The following AMER2 variants were observed in gnomAD, a reference collection of about 807,000 sequenced individuals.
AMER2 encodes APC membrane recruitment protein 2.
Under a neutral mutation model 4.7 loss-of-function variants are expected in AMER2, and 1 was observed. The ratio of observed to expected loss-of-function variants is 0.21; its 90% CI spans 0.07 to 1.00. The LOEUF is 1.00. Ranked by LOEUF, AMER2 falls within the 50% of genes least tolerant of loss-of-function variation. The pLI is 0.60. For missense variants in AMER2, 988 were observed against 966.9 expected (o/e 1.02, Z -0.29); for synonymous variants, 485 against 433.3 (o/e 1.12, Z -1.48).
In AMER2 at chr13:25,171,266, G is replaced by A; in HGVS notation, c.354C>T (p.Gly118=). ...GLAEVLVLES[G]RKEEPRGGGD... ...CCCCGCCGCGCGGCTCCTCCTTCCT[G>A]CCGCTCTCCAGCACCAGCACCTCGG... Residue 118 remains glycine, a synonymous_variant, in exon 1 of 1, where the codon GGC becomes GGT. Transcript: ENST00000515384. The surrounding 1 kb of genome is among the most constrained non-coding windows in gnomAD (Gnocchi z 5.9). 6.7e-7 allele frequency: 1 copy of A among 1,496,100 alleles called. No homozygotes were observed. Among genetic ancestry groups the A allele is most frequent in the Admixed American group, 2.3e-5 (1 of 43,858 alleles). The allele number at this position is 1,496,100 out of a possible 1,614,324, so 92.7% of individuals were successfully genotyped here.
rs950808097 is a variant in AMER2, at chr13:25,168,523, T to A, written c.*1081A>T. The A allele has an allele frequency of 2.0e-5, 3 of 148,344 alleles. No individual in the cohort carries two copies. The highest frequency in any genetic ancestry group is 2.0e-4 in the Admixed American group (3 of 14,876). The allele number at this position is 148,344 out of a possible 1,614,324, so 9.2% of individuals were successfully genotyped here. On this transcript the variant is annotated 3_prime_UTR_variant, in exon 1 of 1. Coordinates refer to ENST00000515384, the MANE Select transcript of AMER2 (RefSeq NM_152704.4). ...CCTCTGGGACACCAGCACAATAGAT[T>A]TTTTTTTTTTTTGAGAACCAGAGAA...
rs866441736 is a variant in AMER2, at chr13:25,164,783, A to G, written c.*4821T>C. The G allele has an allele frequency of 6.6e-6, 1 of 152,206 alleles. No individual in the cohort carries two copies. Among genetic ancestry groups the G allele is most frequent in the South Asian group, 2.1e-4 (1 of 4,828 alleles). The allele number at this position is 152,206 out of a possible 1,614,324, so 9.4% of individuals were successfully genotyped here. A position where few individuals can be genotyped will look rare whatever the true frequency, so the allele number is the denominator to read the frequency against. On this transcript the variant is annotated 3_prime_UTR_variant, in exon 1 of 1. Coordinates refer to ENST00000515384, the MANE Select transcript of AMER2 (RefSeq NM_152704.4). ...CATTGTTACATTTACTATTTTTTAG[A>G]GGCATTTGTGTGGCTTAATTCATAG...
In AMER2 at chr13:25,163,604, G is replaced by C; in HGVS notation, c.*6000C>G. ...CCAGTCACAGAAGGACAAATACTGC[G>C]CGTTTCCACTTCTATAAGGGATCTA... On this transcript the variant is annotated 3_prime_UTR_variant, in exon 1 of 1. Transcript: ENST00000515384. 1 of 151,474 alleles carries C rather than the reference G, an allele frequency of 6.6e-6. No homozygotes were observed. Among genetic ancestry groups the C allele is most frequent in the South Asian group, 2.1e-4 (1 of 4,778 alleles). The allele number at this position is 151,474 out of a possible 1,614,324, so 9.4% of individuals were successfully genotyped here.
rs1335227550 is a variant in AMER2, at chr13:25,170,333, G to T, written c.1287C>A (p.Asp429Glu). 7 of 1,613,852 alleles carry T rather than the reference G, an allele frequency of 4.3e-6. No homozygotes were observed. The highest frequency in any genetic ancestry group is 5.9e-6 in the Non-Finnish European group (7 of 1,180,024). ...CCTGTAGATAGGTGTCGTCCACCTC[G>T]TCCGGGCTGGCCATCTCTTCCCCGC... ...QGGGEEMASP[D>E]EVDDTYLQEF... Residue 429 changes from aspartate (D) to glutamate (E), a missense_variant, in exon 1 of 1, where the codon GAC becomes GAA. By Grantham distance (45) the Asp-to-Glu change is conservative (BLOSUM62 2). Transcript: ENST00000515384. The surrounding 1 kb of genome is among the most constrained non-coding windows in gnomAD (Gnocchi z 7.3).
chr13:25,172,193 T>TTA lies in AMER2; in HGVS notation c.-575_-574insTA. 1 of 152,520 alleles carries TTA rather than the reference T, an allele frequency of 6.6e-6. No individual in the cohort carries two copies. Among genetic ancestry groups the TTA allele is most frequent in the Non-Finnish European group, 1.5e-5 (1 of 68,216 alleles). The allele number at this position is 152,520 out of a possible 1,614,324, so 9.4% of individuals were successfully genotyped here. Reference sequence around the variant, plus strand: ...CATGCTGTGTGGCTGTCATTGTGGTTATGGTTCTTGTGACAAAAGTACACG... The same window carrying TTA: ...CATGCTGTGTGGCTGTCATTGTGGTTTAATGGTTCTTGTGACAAAAGTACACG... On this transcript the variant is annotated 5_prime_UTR_variant, in exon 1 of 1. Coordinates refer to ENST00000515384, the MANE Select transcript of AMER2 (RefSeq NM_152704.4).
Position 25,170,555 on chromosome 13 carries a change from T to G in AMER2, c.1065A>C (p.Ser355=), listed in dbSNP as rs765512835. Residue 355 remains serine (S), a synonymous_variant, in exon 1 of 1, where the codon TCA becomes TCC. Coordinates refer to ENST00000515384, the MANE Select transcript of AMER2 (RefSeq NM_152704.4). This position sits in a 1 kb window ranked among gnomAD's most constrained non-coding sequence, Gnocchi z 7.3. ...AACAAATACGATCTGCCGACGGGTC[T>G]GAGGGTGGATCGACAGAGGCAGGGT... ...APDPASVDPP[S]DPSADRICLM... is the part of the protein sequence containing the mutation. 50 of 1,612,982 alleles carry G rather than the reference T, an allele frequency of 3.1e-5. No individual in the cohort carries two copies. The highest frequency in any genetic ancestry group is 4.2e-5 in the Non-Finnish European group (49 of 1,179,508).
In AMER2 at chr13:25,171,171, C is replaced by G; in HGVS notation, c.449G>C (p.Gly150Ala). ...GGCCACCGAGCTGCTGGCGAGGGAG[C>G]CCCCGCCGGGCCCTGCGGCTCTGGG... Reference protein sequence around the residue: ...GPPRAAGPGGGSLASSSVAKS... With the variant: ...GPPRAAGPGGASLASSSVAKS... The change falls in exon 1 of 1, where the codon GGC becomes GCC. Residue 150 changes from glycine to alanine, a missense_variant. Coordinates refer to ENST00000515384, the MANE Select transcript of AMER2 (RefSeq NM_152704.4). This position sits in a 1 kb window ranked among gnomAD's most constrained non-coding sequence, Gnocchi z 5.9. The G allele has an allele frequency of 2.0e-6, 3 of 1,530,054 alleles. No individual in the cohort carries two copies. Among genetic ancestry groups the G allele is most frequent in the Non-Finnish European group, 2.6e-6 (3 of 1,139,022 alleles). 94.8% of individuals were successfully genotyped at this position (1,530,054 alleles called of 1,614,324 possible). A position where few individuals can be genotyped will look rare whatever the true frequency, so the allele number is the denominator to read the frequency against.
chr13:25,170,842 C>T lies in AMER2; in HGVS notation c.778G>A (p.Ala260Thr). Residue 260 changes from alanine to threonine, a missense_variant, in exon 1 of 1, where the codon GCA becomes ACA. Physicochemically the swap from Ala to Thr is moderately conservative, Grantham distance 58 (BLOSUM62 0). Coordinates refer to ENST00000515384, the MANE Select transcript of AMER2 (RefSeq NM_152704.4). This position sits in a 1 kb window ranked among gnomAD's most constrained non-coding sequence, Gnocchi z 7.3. ...TCCTCTCCCCCTGCGGGCTCACCTG[C>T]TGGGTCTCGCGGGGCGTCCTGGCTG... Reference protein sequence around the residue: ...EPSQDAPRDPAGEPAGGEEVP... With the variant: ...EPSQDAPRDPTGEPAGGEEVP... 1 of 1,443,118 alleles carries T rather than the reference C, an allele frequency of 6.9e-7. No homozygotes were observed. 89.4% of individuals were successfully genotyped at this position (1,443,118 alleles called of 1,614,324 possible). A position where few individuals can be genotyped will look rare whatever the true frequency, so the allele number is the denominator to read the frequency against.
Position 25,165,566 on chromosome 13 carries a change from A to G in AMER2, c.*4038T>C, listed in dbSNP as rs2137433622. On this transcript the variant is annotated 3_prime_UTR_variant, in exon 1 of 1. Coordinates refer to ENST00000515384, the MANE Select transcript of AMER2 (RefSeq NM_152704.4). ...GCTCTGCCTGGAGGAGGGGAAAGGG[A>G]AACTGGGTTAGGTGAAGTATTTGGG... 1 of 152,350 alleles carries G rather than the reference A, an allele frequency of 6.6e-6. No homozygotes were observed. Among genetic ancestry groups the G allele is most frequent in the South Asian group, 2.1e-4 (1 of 4,832 alleles). The allele number at this position is 152,350 out of a possible 1,614,324, so 9.4% of individuals were successfully genotyped here. A position where few individuals can be genotyped will look rare whatever the true frequency, so the allele number is the denominator to read the frequency against.
In AMER2 at chr13:25,169,765, G is replaced by A; in HGVS notation, c.1855C>T (p.Pro619Ser). The A allele has an allele frequency of 1.2e-6, 2 of 1,614,202 alleles. No individual in the cohort carries two copies. Among genetic ancestry groups the A allele is most frequent in the South Asian group, 1.1e-5 (1 of 91,084 alleles). The stretch of plus-strand genomic sequence containing the variant: ...TGGTGCACCACGGGATGGCTAGATG[G>A]AAGGTTGGTCAGGTGCTTGATGCTA... Reference protein sequence around the residue: ...PISIKHLTNLPSSHPVVHQQP... With the variant: ...PISIKHLTNLSSSHPVVHQQP... The change falls in exon 1 of 1, where the codon CCA becomes TCA. Residue 619 changes from proline to serine, a missense_variant. Pro to Ser is a moderately conservative substitution (Grantham distance 74). Coordinates refer to ENST00000515384, the MANE Select transcript of AMER2 (RefSeq NM_152704.4). This position sits in a 1 kb window ranked among gnomAD's most constrained non-coding sequence, Gnocchi z 4.2.
At position 25,163,191 on chromosome 13, in the gene AMER2, T is replaced by C. The variant is rs1192419819; in HGVS notation, c.*6413A>G. 9 of 152,170 alleles carry C rather than the reference T, an allele frequency of 5.9e-5. No homozygotes were observed. In the South Asian group the frequency reaches 1.0e-3, roughly 18 times the overall value. The allele number at this position is 152,170 out of a possible 1,614,324, so 9.4% of individuals were successfully genotyped here. A position where few individuals can be genotyped will look rare whatever the true frequency, so the allele number is the denominator to read the frequency against. On this transcript the variant is annotated 3_prime_UTR_variant, in exon 1 of 1. Coordinates refer to ENST00000515384, the MANE Select transcript of AMER2 (RefSeq NM_152704.4). ...ACAAGTTGGCAAAGATGTGGAGAAA[T>C]TGGAACCCTTGTGCACCATTGGTAA...
chr13:25,170,585 G>C lies in AMER2; in HGVS notation c.1035C>G (p.Ala345=), dbSNP rs1386386224. 38 of 1,599,986 alleles carry C rather than the reference G, an allele frequency of 2.4e-5. No homozygotes were observed. The highest frequency in any genetic ancestry group is 3.0e-5 in the Non-Finnish European group (35 of 1,172,924). Residue 345 remains alanine, a synonymous_variant, in exon 1 of 1, where the codon GCC becomes GCG. Transcript: ENST00000515384. The surrounding 1 kb of genome is among the most constrained non-coding windows in gnomAD (Gnocchi z 7.3). ...SEGGSGRAPA[A]PDPASVDPPS... Reference sequence around the variant, plus strand: ...GTGGATCGACAGAGGCAGGGTCTGGGGCGGCGGGCGCCCGGCCGCTGCCGC... The same window carrying C: ...GTGGATCGACAGAGGCAGGGTCTGGCGCGGCGGGCGCCCGGCCGCTGCCGC...
rs781647819 is a variant in AMER2, at chr13:25,170,223, G to A, written c.1397C>T (p.Thr466Ile). Reference protein sequence around the residue: ...GAAKVAAALETKVVPETPKDT... With the variant: ...GAAKVAAALEIKVVPETPKDT... ...TTTGGGGGTCTCGGGCACCACCTTGGTTTCCAGCGCAGCTGCCACCTTAGC... is the reference window on the plus strand; with the variant it reads ...TTTGGGGGTCTCGGGCACCACCTTGATTTCCAGCGCAGCTGCCACCTTAGC... Residue 466 changes from threonine to isoleucine, a missense_variant, in exon 1 of 1, where the codon ACC becomes ATC. Transcript: ENST00000515384. The surrounding 1 kb of genome is among the most constrained non-coding windows in gnomAD (Gnocchi z 7.3). 11 of 1,612,484 alleles carry A rather than the reference G, an allele frequency of 6.8e-6. No homozygotes were observed. Among genetic ancestry groups the A allele is most frequent in the Admixed American group, 3.3e-5 (2 of 59,790 alleles).
rs1956463158 is a variant in AMER2, at chr13:25,165,276, C to A, written c.*4328G>T. Reference sequence around the variant, plus strand: ...TTTGAGAAGCAATGCATGACAGCCACCGGGAAATCTTCAGAGCAAGATGAG... The same window carrying A: ...TTTGAGAAGCAATGCATGACAGCCAACGGGAAATCTTCAGAGCAAGATGAG... On this transcript the variant is annotated 3_prime_UTR_variant, in exon 1 of 1. Coordinates refer to ENST00000515384, the MANE Select transcript of AMER2 (RefSeq NM_152704.4). The A allele has an allele frequency of 3.3e-5, 5 of 152,290 alleles. No homozygotes were observed. 9.4% of individuals were successfully genotyped at this position (152,290 alleles called of 1,614,324 possible). A position where few individuals can be genotyped will look rare whatever the true frequency, so the allele number is the denominator to read the frequency against.
In AMER2 at chr13:25,170,829, G is replaced by C. The variant is rs916066306; in HGVS notation, c.791C>G (p.Ala264Gly). Reference protein sequence around the residue: ...DAPRDPAGEPAGGEEVPAPAD... With the variant: ...DAPRDPAGEPGGGEEVPAPAD... ...GGGGGCGGGCACCTCCTCTCCCCCTGCGGGCTCACCTGCTGGGTCTCGCGG... is the reference window on the plus strand; with the variant it reads ...GGGGGCGGGCACCTCCTCTCCCCCTCCGGGCTCACCTGCTGGGTCTCGCGG... The change falls in exon 1 of 1, where the codon GCA (alanine) becomes GGA (glycine). Residue 264 changes from alanine (A) to glycine (G), a missense_variant. Ala to Gly is a moderately conservative substitution (Grantham distance 60, BLOSUM62 0). Coordinates refer to ENST00000515384, the MANE Select transcript of AMER2 (RefSeq NM_152704.4). This position sits in a 1 kb window ranked among gnomAD's most constrained non-coding sequence, Gnocchi z 7.3. 1.4e-6 allele frequency: 2 copies of C among 1,424,382 alleles called. No homozygotes were observed. The highest frequency in any genetic ancestry group is 3.0e-5 in the African/African-American group (2 of 67,504). 88.2% of individuals were successfully genotyped at this position (1,424,382 alleles called of 1,614,324 possible).
rs1956588485 is a variant in AMER2, at chr13:25,171,809, G to T, written c.-190C>A. ...CCACTTCCATCCGACTTGGCTCGGC[G>T]CTGCATGGCGTTTTTGTGGCAGGAG... is the stretch of plus-strand genomic sequence containing the variant. On this transcript the variant is annotated 5_prime_UTR_variant, in exon 1 of 1. Transcript: ENST00000515384. This position sits in a 1 kb window ranked among gnomAD's most constrained non-coding sequence, Gnocchi z 5.9. 1.7e-6 allele frequency: 2 copies of T among 1,201,972 alleles called. No homozygotes were observed. The highest frequency in any genetic ancestry group is 1.6e-5 in the African/African-American group (1 of 62,966). 74.5% of individuals were successfully genotyped at this position (1,201,972 alleles called of 1,614,324 possible).
At position 25,170,623 on chromosome 13, in the gene AMER2, C is replaced by G; in HGVS notation, c.997G>C (p.Val333Leu). The change falls in exon 1 of 1, where the codon GTC becomes CTC. Residue 333 changes from valine (V) to leucine (L), a missense_variant. By Grantham distance (32) the Val-to-Leu change is conservative. Coordinates refer to ENST00000515384, the MANE Select transcript of AMER2 (RefSeq NM_152704.4). The surrounding 1 kb of genome is among the most constrained non-coding windows in gnomAD (Gnocchi z 7.3). ...GAVPVKTVPL[V>L]DSEGGSGRAP... ...CGGCCGCTGCCGCCTTCGGAGTCGACAAGGGGGACCGTCTTTACGGGAACG... is the reference window on the plus strand; with the variant it reads ...CGGCCGCTGCCGCCTTCGGAGTCGAGAAGGGGGACCGTCTTTACGGGAACG... 2 of 1,565,596 alleles carry G rather than the reference C, an allele frequency of 1.3e-6. No individual in the cohort carries two copies. Among genetic ancestry groups the G allele is most frequent in the Non-Finnish European group, 1.7e-6 (2 of 1,154,594 alleles).
rs751224156 is a variant in AMER2 at position 25,162,163 on chromosome 13, A to G, written c.*7441T>C. ...AATAATACTGCCAAAACCTGTCCTCAAAGACATGCCTGACTTTCAGGAAAG... is the reference window on the plus strand; with the variant it reads ...AATAATACTGCCAAAACCTGTCCTCGAAGACATGCCTGACTTTCAGGAAAG... On this transcript the variant is annotated 3_prime_UTR_variant, in exon 1 of 1. Transcript: ENST00000515384. 2.5e-4 allele frequency: 38 copies of G among 152,204 alleles called. No individual in the cohort carries two copies. Among genetic ancestry groups the G allele is most frequent in the Non-Finnish European group, 4.7e-4 (32 of 68,032 alleles). The allele number at this position is 152,204 out of a possible 1,614,324, so 9.4% of individuals were successfully genotyped here.
chr13:25,170,267 G>C lies in AMER2; in HGVS notation c.1353C>G (p.Pro451=), dbSNP rs1956540154. ...DMLSQTEEQG[P]EPQEGAAKVA... ...CCTTAGCCGCGCCCTCCTGGGGCTC[G>C]GGTCCCTGCTCCTCGGTCTGGGAGA... Residue 451 remains proline, a synonymous_variant, in exon 1 of 1, where the codon CCC becomes CCG. Transcript: ENST00000515384. The surrounding 1 kb of genome is among the most constrained non-coding windows in gnomAD (Gnocchi z 7.3). The C allele has an allele frequency of 4.3e-6, 7 of 1,613,076 alleles. No homozygotes were observed. In the East Asian group the frequency reaches 6.7e-5, roughly 15 times the overall value.
Sources: allele counts gnomAD v4.1 joint callset, GRCh38; gene constraint gnomAD v4.1.1; non-coding constraint Gnocchi (gnomAD v3.1); transcripts MANE v1.5; gene names NCBI Gene and HGNC (gene_info 2026-07-23, HGNC 2026-07-21).